The following PPP1R26 variants were observed in gnomAD, a reference collection of about 807,000 sequenced individuals.
The protein encoded by PPP1R26 is protein phosphatase 1 regulatory subunit 26, also known as 1A6/DRIM (down-regulated in metastasis) interacting protein.
In PPP1R26, 22 loss-of-function variants were observed where a neutral mutation model predicts 67.6. That is an observed-to-expected ratio of 0.33 (90% confidence interval 0.23 to 0.46). The LOEUF (loss-of-function observed/expected upper bound fraction) is 0.46. PPP1R26 is among the 20% of genes least tolerant of loss of function. The pLI is 1.00. For synonymous variants in PPP1R26, 729 were observed against 717.2 expected (o/e 1.02, Z -0.26); for missense variants, 1,602 against 1,651.4 (o/e 0.97, Z 0.52).
rs1440121531 is a variant in PPP1R26, at chr9:135,487,982, A to C, written c.3472A>C (p.Arg1158=). Residue 1158 remains arginine, a synonymous_variant, in exon 4 of 4, where the codon AGG becomes CGG. Transcript: ENST00000356818. ...ACAGGCAGGGCTGAGTTTGCATGACAGGAGGAGCTCGGGCTCGGAGGAAAG... is the reference window on the plus strand; with the variant it reads ...ACAGGCAGGGCTGAGTTTGCATGACCGGAGGAGCTCGGGCTCGGAGGAAAG... ...KAQAGLSLHD[R]RSSGSEESIL... is the part of the protein sequence containing the mutation. 1 of 1,609,588 alleles carries C rather than the reference A, an allele frequency of 6.2e-7. No individual in the cohort carries two copies.
At position 135,486,798 on chromosome 9, in the gene PPP1R26, A is replaced by G. The variant is rs753409498; in HGVS notation, c.2288A>G (p.Glu763Gly). The part of the protein sequence containing the change: ...CLSKSKRDSG[E>G]GPGKKPPSVF... Reference sequence around the variant, plus strand: ...TCCAAGTCCAAGAGAGACAGTGGCGAGGGTCCTGGGAAGAAACCCCCCAGT... The same window carrying G: ...TCCAAGTCCAAGAGAGACAGTGGCGGGGGTCCTGGGAAGAAACCCCCCAGT... The change falls in exon 4 of 4, where the codon GAG (glutamate) becomes GGG (glycine). Residue 763 changes from glutamate (E) to glycine (G), a missense_variant. By Grantham distance (98) the Glu-to-Gly change is moderately conservative. Coordinates refer to ENST00000356818, the MANE Select transcript of PPP1R26 (RefSeq NM_014811.5). The surrounding 1 kb of genome is among the most constrained non-coding windows in gnomAD (Gnocchi z 6.2). The G allele has an allele frequency of 1.1e-5, 18 of 1,600,844 alleles. No homozygotes were observed. Among genetic ancestry groups the G allele is most frequent in the Non-Finnish European group, 1.5e-5 (18 of 1,174,378 alleles).
intron 3 of PPP1R26, 23 bp from the exon 4 acceptor site, chr9:135,484,426 C>T (rs1481082548): frequency 7.9e-7 from 1 of 1,265,362 alleles, no homozygotes; most frequent in Non-Finnish European, 1.1e-6. Context: ...TGCATCATGC[C>T]CATGTGCTTT....
Position 135,484,814 on chromosome 9 carries a change from G to T in PPP1R26, c.304G>T (p.Val102Phe). 6.2e-7 allele frequency: 1 copy of T among 1,610,884 alleles called. No individual in the cohort carries two copies. The highest frequency in any genetic ancestry group is 8.5e-7 in the Non-Finnish European group (1 of 1,179,780). ...ACCCGCGTTGGCTGTCTGTGGTCTC[G>T]TTGCTGACTTTGACCCCATGGGGGA... ...EPPALAVCGL[V>F]ADFDPMGEEE... The change falls in exon 4 of 4, where the codon GTT (valine) becomes TTT (phenylalanine). Residue 102 changes from valine to phenylalanine, a missense_variant. By Grantham distance (50) the Val-to-Phe change is conservative (BLOSUM62 -1). This residue lies in a region of PPP1R26 where 168 missense variants were observed against 176.1 expected (regional missense o/e 0.95). Transcript: ENST00000356818.
rs756548855 is a variant in PPP1R26 at position 135,487,667 on chromosome 9, G to C, written c.3157G>C (p.Gly1053Arg). ...CGAAGGCAGAGATGCAGTGTGGAGG[G>C]GGGGCGTCGGGAGCGAGAGAGACAA... ...RSEGRDAVWR[G>R]GVGSERDKGS... Residue 1053 changes from glycine to arginine, a missense_variant, in exon 4 of 4, where the codon GGG becomes CGG. Around this residue, in one of 5 missense-constraint regions of PPP1R26, gnomAD observed 740 missense variants for 696.3 expected, o/e 1.06. Transcript: ENST00000356818. 4 of 1,461,664 alleles carry C rather than the reference G, an allele frequency of 2.7e-6. No individual in the cohort carries two copies. Among genetic ancestry groups the C allele is most frequent in the East Asian group, 4.9e-5 (2 of 40,682 alleles). The allele number at this position is 1,461,664 out of a possible 1,614,324, so 90.5% of individuals were successfully genotyped here. A position where few individuals can be genotyped will look rare whatever the true frequency, so the allele number is the denominator to read the frequency against.
At position 135,486,104 on chromosome 9, in the gene PPP1R26, G is replaced by A. The variant is rs2119296185; in HGVS notation, c.1594G>A (p.Asp532Asn). 1 of 1,612,966 alleles carries A rather than the reference G, an allele frequency of 6.2e-7. No homozygotes were observed. The highest frequency in any genetic ancestry group is 2.2e-5 in the East Asian group (1 of 44,886). Residue 532 changes from aspartate (D) to asparagine (N), a missense_variant, in exon 4 of 4, where the codon GAC becomes AAC. By Grantham distance (23) the Asp-to-Asn change is conservative. Around this residue, in one of 5 missense-constraint regions of PPP1R26, gnomAD observed 680 missense variants for 726.1 expected, o/e 0.94. Transcript: ENST00000356818. This position sits in a 1 kb window ranked among gnomAD's most constrained non-coding sequence, Gnocchi z 6.2. Reference protein sequence around the residue: ...DGDSSSVDSDDSIEQEIRTFL... With the variant: ...DGDSSSVDSDNSIEQEIRTFL... Reference sequence around the variant, plus strand: ...CGACAGTAGCTCCGTGGACAGCGATGACAGCATCGAGCAGGAAATCCGGAC... The same window carrying A: ...CGACAGTAGCTCCGTGGACAGCGATAACAGCATCGAGCAGGAAATCCGGAC...
At position 135,488,108 on chromosome 9, in the gene PPP1R26, GA is replaced by G; in HGVS notation, c.3599del (p.Asp1200AlafsTer7). 6.5e-7 allele frequency: 1 copy of G among 1,538,962 alleles called. No individual in the cohort carries two copies. The highest frequency in any genetic ancestry group is 1.4e-5 in the African/African-American group (1 of 72,714). On this transcript the variant is annotated frameshift_variant, in exon 4 of 4. Transcript: ENST00000356818. LOFTEE classifies it high-confidence loss of function. ...TGACTTCAGCGACACCTCCACGGAG[GA>G]CAGTGGCGGCAGCTCAGTAGTGAAG... ...ASDFSDTSTE[D>X]SGGSSVVKV
rs372465827 is a variant in PPP1R26, at chr9:135,486,159, G to C, written c.1649G>C (p.Ser550Thr). The change falls in exon 4 of 4, where the codon AGT becomes ACT. Residue 550 changes from serine to threonine, a missense_variant. Ser to Thr is a moderately conservative substitution (Grantham distance 58, BLOSUM62 1). Around this residue, in one of 5 missense-constraint regions of PPP1R26, gnomAD observed 680 missense variants for 726.1 expected, o/e 0.94. Coordinates refer to ENST00000356818, the MANE Select transcript of PPP1R26 (RefSeq NM_014811.5). This position sits in a 1 kb window ranked among gnomAD's most constrained non-coding sequence, Gnocchi z 6.2. ...TTGGCCCTAAAGGCGCAGTCAGGGA[G>C]TTTGCTGGCCAGAGGTGAGAGCTGC... ...TFLALKAQSGSLLARGESCPQ... is the reference protein window; with the variant it reads ...TFLALKAQSGTLLARGESCPQ... 6.2e-7 allele frequency: 1 copy of C among 1,612,946 alleles called. No homozygotes were observed. The highest frequency in any genetic ancestry group is 1.3e-5 in the African/African-American group (1 of 74,946).
At chr9:135,479,550 G>A (rs1462638587), upstream of PPP1R26, 3 of 146,292 alleles carry the variant, frequency 2.1e-5, no homozygotes, top group Admixed American at 6.8e-5. This position sits in a 1 kb window ranked among gnomAD's most constrained non-coding sequence, Gnocchi z 5.9. Context: ...CGTCCGAACC[G>A]GGCGGGGCGG....
rs1348872448 is a variant in PPP1R26 at position 135,485,044 on chromosome 9, C to T, written c.534C>T (p.His178=). The T allele has an allele frequency of 2.5e-5, 40 of 1,599,806 alleles. No individual in the cohort carries two copies. Among genetic ancestry groups the T allele is most frequent in the Non-Finnish European group, 3.2e-5 (38 of 1,174,116 alleles). ...GGSRCKPEPA[H]GSAPTALCPP... ...GTAGATGTAAGCCGGAACCGGCTCA[C>T]GGCAGTGCCCCGACTGCCCTGTGTC... is the stretch of plus-strand genomic sequence containing the variant. Residue 178 remains histidine, a synonymous_variant, in exon 4 of 4, where the codon CAC becomes CAT. Coordinates refer to ENST00000356818, the MANE Select transcript of PPP1R26 (RefSeq NM_014811.5). This position sits in a 1 kb window ranked among gnomAD's most constrained non-coding sequence, Gnocchi z 7.2.
rs758719512 is a variant in PPP1R26 at position 135,488,162 on chromosome 9, G to A, written c.*22G>A. 1.5e-5 allele frequency: 22 copies of A among 1,493,634 alleles called. No individual in the cohort carries two copies. Among genetic ancestry groups the A allele is most frequent in the South Asian group, 2.8e-5 (2 of 70,802 alleles). The allele number at this position is 1,493,634 out of a possible 1,614,324, so 92.5% of individuals were successfully genotyped here. A position where few individuals can be genotyped will look rare whatever the true frequency, so the allele number is the denominator to read the frequency against. On this transcript the variant is annotated 3_prime_UTR_variant, in exon 4 of 4. Coordinates refer to ENST00000356818, the MANE Select transcript of PPP1R26 (RefSeq NM_014811.5). ...CTAAGCCCTCGAGCTGTGGGTTCGCGTCCTGGGTTGCGTGCATTCGTGGAA... is the reference window on the plus strand; with the variant it reads ...CTAAGCCCTCGAGCTGTGGGTTCGCATCCTGGGTTGCGTGCATTCGTGGAA...
Position 135,487,884 on chromosome 9 carries a change from G to C in PPP1R26, c.3374G>C (p.Gly1125Ala). Reference sequence around the variant, plus strand: ...TCGGCCTTCAGGGAGGCCCAGGCCGGACCCAGCCCTGTCTTTGGAAGCCCA... The same window carrying C: ...TCGGCCTTCAGGGAGGCCCAGGCCGCACCCAGCCCTGTCTTTGGAAGCCCA... ...SFSAFREAQA[G>A]PSPVFGSPHL... Residue 1125 changes from glycine to alanine, a missense_variant, in exon 4 of 4, where the codon GGA (glycine) becomes GCA (alanine). Gly to Ala is a moderately conservative substitution (Grantham distance 60). Around this residue, in one of 5 missense-constraint regions of PPP1R26, gnomAD observed 740 missense variants for 696.3 expected, o/e 1.06. Coordinates refer to ENST00000356818, the MANE Select transcript of PPP1R26 (RefSeq NM_014811.5). The C allele has an allele frequency of 6.3e-7, 1 of 1,577,708 alleles. No individual in the cohort carries two copies. The highest frequency in any genetic ancestry group is 8.6e-7 in the Non-Finnish European group (1 of 1,164,002).
Position 135,482,682 on chromosome 9 carries a change from G to A in PPP1R26, c.-328-1G>A, listed in dbSNP as rs1423024856. 2.5e-6 allele frequency: 1 copy of A among 398,382 alleles called. No individual in the cohort carries two copies. Among genetic ancestry groups the A allele is most frequent in the Non-Finnish European group, 4.4e-6 (1 of 226,044 alleles). The allele number at this position is 398,382 out of a possible 1,614,324, so 24.7% of individuals were successfully genotyped here. ...CCTCTGATTCTCTTTGATTCTGGTAGTCAAAAGTCTATTGAAAAAGCAGAG... is the reference window on the plus strand; with the variant it reads ...CCTCTGATTCTCTTTGATTCTGGTAATCAAAAGTCTATTGAAAAAGCAGAG... On this transcript the variant is annotated splice_acceptor_variant, in intron 1 of 3. Coordinates refer to ENST00000356818, the MANE Select transcript of PPP1R26 (RefSeq NM_014811.5). LOFTEE classifies it low-confidence loss of function (5UTR_SPLICE).
At chr9:135,482,106 T>TTTCTTAAGGTAGTATTTAAGGTAGTA (rs1830542156) in intron 1 of PPP1R26, among the ~76,000 whole-genome samples, 2 of 152,362 alleles carry the variant, frequency 1.3e-5, no homozygotes, top group African/African-American at 4.8e-5. Flanking sequence ...TTGGGCCGGT[T>TTTCTTAAGGTAGTATTTAAGGTAGTA]TTCTTAAGGT....
Position 135,485,751 on chromosome 9 carries a change from C to T in PPP1R26, c.1241C>T (p.Ala414Val). ...AGCACAAGCAGTGCCACAAAAAGTG[C>T]CTTGCCCGAGACCCACAGGAAAACA... The part of the protein sequence containing the change: ...AHSTSSATKS[A>V]LPETHRKTPS... The change falls in exon 4 of 4, where the codon GCC (alanine) becomes GTC (valine). Residue 414 changes from alanine to valine, a missense_variant. By Grantham distance (64) the Ala-to-Val change is moderately conservative. This residue lies in a region of PPP1R26 where 680 missense variants were observed against 726.1 expected (regional missense o/e 0.94). Coordinates refer to ENST00000356818, the MANE Select transcript of PPP1R26 (RefSeq NM_014811.5). The surrounding 1 kb of genome is among the most constrained non-coding windows in gnomAD (Gnocchi z 7.2). 6.2e-7 allele frequency: 1 copy of T among 1,610,876 alleles called. No homozygotes were observed. The highest frequency in any genetic ancestry group is 8.5e-7 in the Non-Finnish European group (1 of 1,180,006).
At position 135,484,745 on chromosome 9, in the gene PPP1R26, C is replaced by A; in HGVS notation, c.235C>A (p.His79Asn). The stretch of plus-strand genomic sequence containing the variant: ...GAGGGGCCACAGGGCAGAGGGATGC[C>A]ACGACGCCAGGCCGGCTGCCAAGCC... ...AQRGHRAEGC[H>N]DARPAAKPTV... The change falls in exon 4 of 4, where the codon CAC (histidine) becomes AAC (asparagine). Residue 79 changes from histidine to asparagine, a missense_variant. By Grantham distance (68) the His-to-Asn change is moderately conservative (BLOSUM62 1). Coordinates refer to ENST00000356818, the MANE Select transcript of PPP1R26 (RefSeq NM_014811.5). 5.6e-6 allele frequency: 9 copies of A among 1,610,150 alleles called. No individual in the cohort carries two copies. Among genetic ancestry groups the A allele is most frequent in the Non-Finnish European group, 7.6e-6 (9 of 1,178,864 alleles).
At chr9:135,482,403 A>G (rs1830551521) in intron 1 of PPP1R26, among the ~76,000 whole-genome samples, 1 of 152,232 alleles carries the variant, frequency 6.6e-6, no homozygotes, top group Non-Finnish European at 1.5e-5. Flanking sequence ...GAATTTGAGA[A>G]CTAGCAGATA....
chr9:135,483,751 C>T (rs1830605598), intron 2 of PPP1R26, among the ~76,000 whole-genome samples, 199 bp from the exon 3 acceptor site: 1 of 152,190 alleles, frequency 6.6e-6, no homozygotes, highest in Non-Finnish European at 1.5e-5. Context: ...TCTGGCAGCG[C>T]AGGATGAGAA....
At chr9:135,481,891 T>C (rs1830533043) in intron 1 of PPP1R26, among the ~76,000 whole-genome samples, 1 of 152,206 alleles carries the variant, frequency 6.6e-6, no homozygotes, top group African/African-American at 2.4e-5. Context: ...AGTGCTGGGA[T>C]TACAGGCGTC....
rs753842844 is a variant in PPP1R26, at chr9:135,485,138, T to C, written c.628T>C (p.Ser210Pro). Residue 210 changes from serine to proline, a missense_variant, in exon 4 of 4, where the codon TCC becomes CCC. Ser to Pro is a moderately conservative substitution (Grantham distance 74). Transcript: ENST00000356818. This position sits in a 1 kb window ranked among gnomAD's most constrained non-coding sequence, Gnocchi z 7.2. ...SQVGSSKDQG[S>P]ASPVSVSSDD... ...GGTGGGATCCAGCAAGGACCAGGGC[T>C]CCGCCTCCCCGGTCAGTGTGAGCAG... 1.2e-6 allele frequency: 2 copies of C among 1,612,824 alleles called. No individual in the cohort carries two copies. The highest frequency in any genetic ancestry group is 8.5e-7 in the Non-Finnish European group (1 of 1,179,844).
Sources: allele counts gnomAD v4.1 joint callset (sites outside exome capture counted in the v4.1 genomes callset), GRCh38; gene constraint gnomAD v4.1.1; regional missense constraint gnomAD v4.1.1; non-coding constraint Gnocchi (gnomAD v3.1); transcripts MANE v1.5; gene names NCBI Gene and HGNC (gene_info 2026-07-23, HGNC 2026-07-21).